The following LOC128125817 variants were observed in gnomAD, a reference collection of about 807,000 sequenced individuals.
chr1:41,613,200 A>G, the LOC128125817 span, among the ~76,000 whole-genome samples: 3 of 152,258 alleles, frequency 2.0e-5, no homozygotes, highest in Admixed American at 1.3e-4. Flanking sequence ...GGGTTTCCCA[A>G]TAGGCTTTGG....
chr1:41,611,564 C>A, the LOC128125817 span, among the ~76,000 whole-genome samples: 1 of 152,248 alleles, frequency 6.6e-6, no homozygotes, highest in Non-Finnish European at 1.5e-5. Flanking sequence ...ACACATTCAA[C>A]AAAGAGTGAG....
chr1:41,593,195 A>G, the LOC128125817 span, among the ~76,000 whole-genome samples: 1 of 152,130 alleles, frequency 6.6e-6, no homozygotes, highest in Admixed American at 6.5e-5. Flanking sequence ...GAATTGTACC[A>G]TCCTTGGCTC....
the LOC128125817 span, among the ~76,000 whole-genome samples, chr1:41,605,127 A>AAAGGG: frequency 7.8e-5 from 10 of 127,782 alleles, no homozygotes; most frequent in Admixed American, 1.6e-4. Flanking sequence ...AAAAAAAGAG[A>AAAGGG]AAGGGAAGGG....
the LOC128125817 span, among the ~76,000 whole-genome samples, chr1:41,593,870 G>A: frequency 6.6e-6 from 1 of 152,194 alleles, no homozygotes; most frequent in Non-Finnish European, 1.5e-5. Flanking sequence ...CTTTCTGGGG[G>A]CCCTAGAGGA....
At chr1:41,606,477 A>G in the LOC128125817 span, among the ~76,000 whole-genome samples, 1 of 151,976 alleles carries the variant, frequency 6.6e-6, no homozygotes, top group African/African-American at 2.4e-5. Flanking sequence ...TAACAACATC[A>G]TTATGAAGAT....
At chr1:41,610,527 C>A in the LOC128125817 span, among the ~76,000 whole-genome samples, 101 of 152,182 alleles carry the variant, frequency 6.6e-4, no homozygotes, top group Non-Finnish European at 1.3e-3. Flanking sequence ...TCTTGAAAGG[C>A]ATCTGGTAAG....
At chr1:41,616,689 A>G in the LOC128125817 span, among the ~76,000 whole-genome samples, 1 of 150,934 alleles carries the variant, frequency 6.6e-6, no homozygotes, top group African/African-American at 2.4e-5. Flanking sequence ...CTGGCCTCAA[A>G]TGATCCTCCC....
At chr1:41,622,739 A>T in the LOC128125817 span, among the ~76,000 whole-genome samples, 1 of 151,916 alleles carries the variant, frequency 6.6e-6, no homozygotes, top group Non-Finnish European at 1.5e-5. Flanking sequence ...CGTTTCTATC[A>T]CTCTCGGATC....
the LOC128125817 span, among the ~76,000 whole-genome samples, chr1:41,588,688 G>A: frequency 3.3e-5 from 5 of 152,158 alleles, no homozygotes; most frequent in African/African-American, 1.2e-4. Context: ...TGAGTGGGGA[G>A]CAAAAAGGCC....
the LOC128125817 span, among the ~76,000 whole-genome samples, chr1:41,597,124 C>A: frequency 6.6e-6 from 1 of 152,046 alleles, no homozygotes; most frequent in African/African-American, 2.4e-5. Context: ...GGAATTTCTG[C>A]ACACTGGTCA....
At chr1:41,587,949 T>G in the LOC128125817 span, among the ~76,000 whole-genome samples, 3 of 152,176 alleles carry the variant, frequency 2.0e-5, no homozygotes, top group Non-Finnish European at 4.4e-5. Context: ...AGTAAGGAAT[T>G]GTCTAGCATC....
chr1:41,628,796 T>C, the LOC128125817 span: 3 of 1,232,174 alleles, frequency 2.4e-6, no homozygotes, highest in Non-Finnish European at 3.0e-6. Context: ...AACGCTGTTC[T>C]CTCTGAAAGC....
At chr1:41,608,794 G>T in the LOC128125817 span, among the ~76,000 whole-genome samples, 2 of 152,048 alleles carry the variant, frequency 1.3e-5, no homozygotes, top group Non-Finnish European at 2.9e-5. Flanking sequence ...GCTTTCAGCT[G>T]GGCACGGTGG....
the LOC128125817 span, among the ~76,000 whole-genome samples, chr1:41,605,020 G>A: frequency 1.3e-5 from 2 of 150,914 alleles, no homozygotes; most frequent in African/African-American, 4.9e-5. Context: ...TGGGAGGATC[G>A]CTTGATCCCA....
chr1:41,600,741 G>A, the LOC128125817 span, among the ~76,000 whole-genome samples: 1 of 152,160 alleles, frequency 6.6e-6, no homozygotes, highest in African/African-American at 2.4e-5. Flanking sequence ...GGCACTACAA[G>A]CAAGAGGTTA....
At chr1:41,617,322 C>A in the LOC128125817 span, among the ~76,000 whole-genome samples, 2 of 152,080 alleles carry the variant, frequency 1.3e-5, no homozygotes, top group African/African-American at 4.8e-5. Context: ...GTTAAAATAC[C>A]TATGGGGCCT....
chr1:41,628,490 G>C, the LOC128125817 span, among the ~76,000 whole-genome samples: 1 of 152,208 alleles, frequency 6.6e-6, no homozygotes, highest in Non-Finnish European at 1.5e-5. Flanking sequence ...TGGAAACTGA[G>C]GTACTGGGAG....
At chr1:41,616,053 A>G in the LOC128125817 span, among the ~76,000 whole-genome samples, 2 of 152,206 alleles carry the variant, frequency 1.3e-5, no homozygotes, top group Non-Finnish European at 2.9e-5. Context: ...GATTTCCACA[A>G]GAGACATGCC....
At chr1:41,615,122 A>G in the LOC128125817 span, among the ~76,000 whole-genome samples, 1 of 152,238 alleles carries the variant, frequency 6.6e-6, no homozygotes, top group African/African-American at 2.4e-5. Context: ...ATTGCTATTT[A>G]TGTAATAGTT....
Sources: gnomAD v4.1 joint callset for allele counts (sites outside exome capture counted in the v4.1 genomes callset) on GRCh38, gnomAD v4.1.1 for gene constraint, MANE v1.5 for transcripts.